GZF1: variants seen among roughly 807,000 people sequenced by gnomAD.
GZF1 encodes GDNF-inducible zinc finger protein 1.
GZF1 carries 28 observed loss-of-function variants against 49.4 expected under a neutral mutation model. That is an observed-to-expected ratio of 0.57 (90% CI 0.42 to 0.78). The LOEUF (loss-of-function observed/expected upper bound fraction) is 0.78, where lower values mean the gene tolerates loss of function less well. GZF1 is among the 30% of genes least tolerant of loss of function. The pLI is 0.00. For missense variants in GZF1, 798 were observed against 916.2 expected, an observed-to-expected ratio of 0.87 and a Z score of 1.67; for synonymous variants, 364 against 356.0, an observed-to-expected ratio of 1.02 and a Z score of -0.25.
At chr20:23,361,649 C>T (rs567385790), upstream of GZF1, among the ~76,000 whole-genome samples, 62 of 152,318 alleles carry the variant, frequency 4.1e-4, 1 homozygote, top group South Asian at 8.3e-3. Context: ...GCATCTGCGC[C>T]CCTAGTAGCC....
rs1381703410 is a variant in GZF1 at position 23,364,745 on chromosome 20, T to C, written c.362T>C (p.Leu121Ser). The C allele has an allele frequency of 6.2e-7, 1 of 1,614,280 alleles. No homozygotes were observed. The highest frequency in any genetic ancestry group is 1.7e-5 in the Admixed American group (1 of 60,032). Reference protein sequence around the residue: ...EVAEKLKCLDLSETCFQLKKQ... With the variant: ...EVAEKLKCLDSSETCFQLKKQ... ...GCTGAAAAGCTGAAATGTTTGGATT[T>C]ATCAGAAACTTGTTTTCAATTAAAG... Residue 121 changes from leucine to serine, a missense_variant, in exon 2 of 6, where the codon TTA becomes TCA. Coordinates refer to ENST00000338121, the MANE Select transcript of GZF1 (RefSeq NM_022482.5).
chr20:23,365,554 GACGTGAAGCGGC>G lies in GZF1; in HGVS notation c.1177_1188del (p.Lys393_Val396del), dbSNP rs1330585663. 8 of 1,612,758 alleles carry G rather than the reference GACGTGAAGCGGC, an allele frequency of 5.0e-6. No homozygotes were observed. The highest frequency in any genetic ancestry group is 6.8e-6 in the Non-Finnish European group (8 of 1,179,726). ...CGGGAAGAAGTTCAAGCGCAAGAAGGACGTGAAGCGGCACGTGCTGCAGGTGCATGAGGGCGG... is the reference window on the plus strand; with the variant it reads ...CGGGAAGAAGTTCAAGCGCAAGAAGGACGTGCTGCAGGTGCATGAGGGCGG... On this transcript the variant is annotated inframe_deletion, in exon 2 of 6. Coordinates refer to ENST00000338121, the MANE Select transcript of GZF1 (RefSeq NM_022482.5).
chr20:23,364,829 T>G lies in GZF1; in HGVS notation c.446T>G (p.Val149Gly), dbSNP rs774382390. 4 of 1,613,988 alleles carry G rather than the reference T, an allele frequency of 2.5e-6. No homozygotes were observed. The highest frequency in any genetic ancestry group is 3.4e-6 in the Non-Finnish European group (4 of 1,180,004). ...CAAAATTTCTCAGAGTCTCAGGAGG[T>G]GGAGGTGAGCAGTGGCTCCCAAGTT... ...ELQNFSESQE[V>G]EVSSGSQVSA... Residue 149 changes from valine (V) to glycine (G), a missense_variant, in exon 2 of 6, where the codon GTG becomes GGG. Physicochemically the swap from Val to Gly is moderately radical, Grantham distance 109. Around this residue, in one of 3 missense-constraint regions of GZF1, gnomAD observed 247 missense variants for 228.5 expected, o/e 1.08. Transcript: ENST00000338121.
In GZF1 at chr20:23,365,498, G is replaced by A. The variant is rs371847100; in HGVS notation, c.1115G>A (p.Ser372Asn). 38 of 1,613,724 alleles carry A rather than the reference G, an allele frequency of 2.4e-5. No homozygotes were observed. The highest frequency in any genetic ancestry group is 3.2e-5 in the Non-Finnish European group (38 of 1,179,978). ...NLKSHQRHVH[S>N]SERHFPCELC... The stretch of plus-strand genomic sequence containing the variant: ...AAGAGCCACCAGCGCCACGTGCACA[G>A]CAGCGAGCGCCATTTCCCATGCGAG... The change falls in exon 2 of 6, where the codon AGC becomes AAC. Residue 372 changes from serine (S) to asparagine (N), a missense_variant. Coordinates refer to ENST00000338121, the MANE Select transcript of GZF1 (RefSeq NM_022482.5).
chr20:23,367,234 C>A, intron 3 of GZF1, 137 bp downstream of exon 3: 1 of 637,038 alleles, frequency 1.6e-6, no homozygotes, highest in Non-Finnish European at 2.8e-6. Flanking sequence ...AGTAAGTGAG[C>A]AAAATGAATA....
chr20:23,371,325 CAG>C lies in GZF1; in HGVS notation c.*887_*888del, dbSNP rs1982057638. 6.6e-6 allele frequency: 1 copy of C among 152,590 alleles called. No individual in the cohort carries two copies. The highest frequency in any genetic ancestry group is 2.4e-5 in the African/African-American group (1 of 41,420). 9.5% of individuals were successfully genotyped at this position (152,590 alleles called of 1,614,324 possible). ...GGTGACTGTGGCAAATTATAGAACACAGAGTATTATTACTTTTGCCAGGTTTT... is the reference window on the plus strand; with the variant it reads ...GGTGACTGTGGCAAATTATAGAACACAGTATTATTACTTTTGCCAGGTTTT... On this transcript the variant is annotated 3_prime_UTR_variant, in exon 6 of 6. Transcript: ENST00000338121.
chr20:23,365,128 A>G lies in GZF1; in HGVS notation c.745A>G (p.Lys249Glu). The change falls in exon 2 of 6, where the codon AAA becomes GAA. Residue 249 changes from lysine (K) to glutamate (E), a missense_variant. Coordinates refer to ENST00000338121, the MANE Select transcript of GZF1 (RefSeq NM_022482.5). The part of the protein sequence containing the change: ...KYTRRLREQQ[K>E]TAEGDVGDYR... ...TACGAGAAGACTCCGAGAGCAGCAG[A>G]AAACTGCTGAGGGTGATGTGGGGGA... is the stretch of plus-strand genomic sequence containing the variant. The G allele has an allele frequency of 6.2e-7, 1 of 1,614,056 alleles. No homozygotes were observed. Among genetic ancestry groups the G allele is most frequent in the Non-Finnish European group, 8.5e-7 (1 of 1,180,048 alleles).
chr20:23,369,835 G>C, intron 5 of GZF1, 94 bp downstream of exon 5: 1 of 1,362,070 alleles, frequency 7.3e-7, no homozygotes, highest in African/African-American at 1.5e-5. Context: ...GGTGGTTAGA[G>C]GTCGAGACAA....
chr20:23,362,020 C>G (rs1980708015), upstream of GZF1, among the ~76,000 whole-genome samples: 1 of 152,190 alleles, frequency 6.6e-6, no homozygotes, highest in Non-Finnish European at 1.5e-5. Context: ...AGTCGCGCGG[C>G]CAGATCAGGT....
rs1399430069 is a variant in GZF1 at position 23,368,778 on chromosome 20, G to A, written c.1476G>A (p.Met492Ile). 6.2e-7 allele frequency: 1 copy of A among 1,609,140 alleles called. No individual in the cohort carries two copies. Among genetic ancestry groups the A allele is most frequent in the Non-Finnish European group, 8.5e-7 (1 of 1,178,058 alleles). Residue 492 changes from methionine (M) to isoleucine (I), a missense_variant, in exon 4 of 6, where the codon ATG (methionine) becomes ATA (isoleucine). Transcript: ENST00000338121. ...KRCHTGERPF[M>I]CETCGKSFAS... Reference sequence around the variant, plus strand: ...CTCATGTAGGTGAAAGACCTTTTATGTGTGAAACATGTGGCAAGAGTTTTG... The same window carrying A: ...CTCATGTAGGTGAAAGACCTTTTATATGTGAAACATGTGGCAAGAGTTTTG...
chr20:23,367,520 T>A (rs958756198), intron 3 of GZF1, among the ~76,000 whole-genome samples: 7 of 152,148 alleles, frequency 4.6e-5, no homozygotes, highest in Non-Finnish European at 8.8e-5. Context: ...CTCTGGTAAA[T>A]CTATACCCTG....
chr20:23,370,387 C>T lies in GZF1; in HGVS notation c.2082C>T (p.Thr694=). 1 of 1,613,924 alleles carries T rather than the reference C, an allele frequency of 6.2e-7. No homozygotes were observed. The highest frequency in any genetic ancestry group is 8.5e-7 in the Non-Finnish European group (1 of 1,179,856). ...ATTISELSEL[T]PQTDSMPTQL... The stretch of plus-strand genomic sequence containing the variant: ...CCATCAGTGAGCTTAGCGAGCTGAC[C>T]CCACAGACAGACTCGATGCCCACAC... The change falls in exon 6 of 6, where the codon ACC becomes ACT. Residue 694 remains threonine (T), a synonymous_variant. Coordinates refer to ENST00000338121, the MANE Select transcript of GZF1 (RefSeq NM_022482.5).
intron 3 of GZF1, among the ~76,000 whole-genome samples, chr20:23,368,385 T>C (rs999205712): frequency 6.6e-6 from 1 of 152,234 alleles, no homozygotes; most frequent in Non-Finnish European, 1.5e-5. Context: ...CAACTTCCCC[T>C]TTATTCTGAT....
rs552297122 is a variant in GZF1, at chr20:23,372,837, C to A, written c.*2396C>A. 1 of 152,286 alleles carries A rather than the reference C, an allele frequency of 6.6e-6. No individual in the cohort carries two copies. Among genetic ancestry groups the A allele is most frequent in the African/African-American group, 2.4e-5 (1 of 41,512 alleles). The allele number at this position is 152,286 out of a possible 1,614,324, so 9.4% of individuals were successfully genotyped here. ...TTTTCCAACCATTTTCTGTGAAATG[C>A]TGTCAGCCCAAACTCCAAAGGGATG... On this transcript the variant is annotated 3_prime_UTR_variant, in exon 6 of 6. Transcript: ENST00000338121.
At position 23,372,300 on chromosome 20, in the gene GZF1, G is replaced by A. The variant is rs1207187616; in HGVS notation, c.*1859G>A. The A allele has an allele frequency of 6.6e-6, 1 of 152,468 alleles. No individual in the cohort carries two copies. The highest frequency in any genetic ancestry group is 1.9e-4 in the East Asian group (1 of 5,198). The allele number at this position is 152,468 out of a possible 1,614,324, so 9.4% of individuals were successfully genotyped here. ...CTATTTCTGTTATAATTTAGGTTCT[G>A]CAGAAATATGATTCTTAATTGAAAC... On this transcript the variant is annotated 3_prime_UTR_variant, in exon 6 of 6. Coordinates refer to ENST00000338121, the MANE Select transcript of GZF1 (RefSeq NM_022482.5).
At position 23,366,342 on chromosome 20, in the gene GZF1, TTTCTC is replaced by T. The variant is rs958901441; in HGVS notation, c.1364+605_1364+609del. 1.2e-4 allele frequency among the ~76,000 whole-genome samples: 18 copies of T among 152,358 alleles called. No individual in the cohort carries two copies. In the East Asian group the frequency reaches 3.3e-3, roughly 28 times the overall value. On this transcript the variant is annotated intron_variant, in intron 2 of 5. Transcript: ENST00000338121. Reference sequence around the variant, plus strand: ...TCTTGAAATCCCAACAAGCAGTTGTTTTCTCTTCTCTTCTAGATCTGCCCTCAAAC... The same window carrying T: ...TCTTGAAATCCCAACAAGCAGTTGTTTTCTCTTCTAGATCTGCCCTCAAAC...
chr20:23,369,796 A>G (rs776642233), intron 5 of GZF1, 55 bp downstream of exon 5: 10 of 1,541,894 alleles, frequency 6.5e-6, no homozygotes, highest in Non-Finnish European at 8.8e-6. Flanking sequence ...AGATGCACGG[A>G]AAGAGAAATA....
chr20:23,368,951 G>C (rs1434782057), intron 4 of GZF1, 22 bp downstream of exon 4: 2 of 1,571,928 alleles, frequency 1.3e-6, no homozygotes, highest in Admixed American at 1.9e-5. Flanking sequence ...ATGTCCCAGG[G>C]AAGGGAGTTT....
intron 2 of GZF1, 21 bp downstream of exon 2, chr20:23,365,768 A>G (rs747308738): frequency 3.3e-6 from 5 of 1,499,970 alleles, no homozygotes; most frequent in East Asian, 2.3e-5. Flanking sequence ...AGCCGTCCGG[A>G]GGGGTCCCTG....
Sources: allele counts gnomAD v4.1 joint callset (sites outside exome capture counted in the v4.1 genomes callset), GRCh38; gene constraint gnomAD v4.1.1; regional missense constraint gnomAD v4.1.1; transcripts MANE v1.5; gene names NCBI Gene and HGNC (gene_info 2026-07-23, HGNC 2026-07-21).